CNTNAP2: variants seen among roughly 807,000 people sequenced by gnomAD.
The protein encoded by CNTNAP2 is contactin associated protein 2.
In CNTNAP2, 98 loss-of-function variants were observed where a neutral mutation model predicts 155.2. The ratio of observed to expected loss-of-function variants is 0.63; its 90% CI spans 0.54 to 0.75. The LOEUF is 0.75. CNTNAP2 is among the 30% of genes least tolerant of loss of function. CNTNAP2 has a pLI of 0.00. For missense variants in CNTNAP2, 1,727 were observed against 1,688.1 expected (o/e 1.02, Z -0.40); for synonymous variants, 651 against 631.2 (o/e 1.03, Z -0.47).
chr7:146,663,480 T>G (rs1196649935), intron 1 of CNTNAP2, among the ~76,000 whole-genome samples: 1 of 151,998 alleles, frequency 6.6e-6, no homozygotes, highest in Admixed American at 6.6e-5. Flanking sequence ...GGAGGATAAT[T>G]GACAATCTAA....
At chr7:147,056,335 T>C (rs1367155562) in intron 4 of CNTNAP2, among the ~76,000 whole-genome samples, 1 of 152,128 alleles carries the variant, frequency 6.6e-6, no homozygotes, top group Non-Finnish European at 1.5e-5. Context: ...AATGGACAAG[T>C]AGCTTCCTAA....
intron 8 of CNTNAP2, among the ~76,000 whole-genome samples, chr7:147,174,096 C>T (rs931676076): frequency 5.3e-5 from 8 of 152,110 alleles, no homozygotes; most frequent in Non-Finnish European, 1.2e-4. Flanking sequence ...AAAAAACCAG[C>T]AAACCACAGT....
intron 2 of CNTNAP2, among the ~76,000 whole-genome samples, chr7:146,792,228 T>C (rs1411494968): frequency 6.6e-6 from 1 of 152,044 alleles, no homozygotes. Context: ...TTTCCTTTTC[T>C]TTATTATATG....
At chr7:147,962,775 A>C (rs1030407709) in intron 14 of CNTNAP2, among the ~76,000 whole-genome samples, 3 of 152,186 alleles carry the variant, frequency 2.0e-5, no homozygotes, top group Admixed American at 2.0e-4. Context: ...ATTTCATCCA[A>C]AAAGCTTTGT....
intron 3 of CNTNAP2, among the ~76,000 whole-genome samples, chr7:147,030,037 G>A (rs1798999048): frequency 6.6e-6 from 1 of 152,124 alleles, no homozygotes; most frequent in African/African-American, 2.4e-5. Context: ...GTTTTGGAGG[G>A]TAACCTGAGG....
intron 3 of CNTNAP2, among the ~76,000 whole-genome samples, chr7:146,927,278 G>GT (rs1796627176): frequency 6.6e-6 from 1 of 152,020 alleles, no homozygotes. Context: ...GTAGAAAACT[G>GT]TTTTTTAGTC....
At chr7:147,983,233 A>G (rs2116872589) in intron 15 of CNTNAP2, among the ~76,000 whole-genome samples, 1 of 152,216 alleles carries the variant, frequency 6.6e-6, no homozygotes, top group Non-Finnish European at 1.5e-5. Flanking sequence ...TTCAGGAAGC[A>G]ATTCTCCTTA....
intron 13 of CNTNAP2, among the ~76,000 whole-genome samples, chr7:147,811,551 C>T (rs543982755): frequency 6.6e-6 from 1 of 152,154 alleles, no homozygotes; most frequent in African/African-American, 2.4e-5. Context: ...GCCCAGTGTC[C>T]CCTAGGGAGG....
chr7:146,907,640 C>G (rs569081932), intron 3 of CNTNAP2, among the ~76,000 whole-genome samples: 13 of 149,636 alleles, frequency 8.7e-5, no homozygotes, highest in Admixed American at 4.0e-4. Context: ...TAAAAGAGCT[C>G]CTGAAGGAAG....
intron 3 of CNTNAP2, 130 bp from the exon 4 acceptor site, chr7:147,043,777 A>T: frequency 8.6e-7 from 1 of 1,159,208 alleles, no homozygotes; most frequent in African/African-American, 1.5e-5. Flanking sequence ...AGCTTTCTTC[A>T]AATTATTTAC....
intron 13 of CNTNAP2, among the ~76,000 whole-genome samples, chr7:147,654,323 G>A (rs1795493471): frequency 6.6e-6 from 1 of 152,118 alleles, no homozygotes; most frequent in Non-Finnish European, 1.5e-5. Context: ...TTAAATATAG[G>A]TGTTAGCAAT....
At chr7:146,569,334 C>A (rs1164495220) in intron 1 of CNTNAP2, among the ~76,000 whole-genome samples, 6 of 152,172 alleles carry the variant, frequency 3.9e-5, no homozygotes, top group Admixed American at 3.9e-4. Context: ...GTGGTTACTT[C>A]TAATGTTGGA....
intron 9 of CNTNAP2, among the ~76,000 whole-genome samples, chr7:147,357,159 G>A (rs1054012031): frequency 6.6e-6 from 1 of 152,018 alleles, no homozygotes; most frequent in Non-Finnish European, 1.5e-5. Context: ...TTCTTTCTGG[G>A]TCTACCCCTT....
intron 14 of CNTNAP2, among the ~76,000 whole-genome samples, chr7:147,910,113 C>T (rs553202186): frequency 1.3e-5 from 2 of 152,244 alleles, no homozygotes; most frequent in East Asian, 1.9e-4. Context: ...TTGGTTGGGT[C>T]AGCTTACTAT....
At chr7:146,665,826 AATTTT>A (rs1203109628) in intron 1 of CNTNAP2, among the ~76,000 whole-genome samples, 2 of 142,570 alleles carry the variant, frequency 1.4e-5, no homozygotes, top group African/African-American at 5.2e-5. Flanking sequence ...TTCTATTTTT[AATTTT>A]ATAACACTTT....
At chr7:147,447,489 C>T (rs938446064) in intron 10 of CNTNAP2, among the ~76,000 whole-genome samples, 1 of 152,142 alleles carries the variant, frequency 6.6e-6, no homozygotes, top group African/African-American at 2.4e-5. Flanking sequence ...AATCGTGGCT[C>T]ACTGCAACCT....
At chr7:146,149,879 G>GAAAAAAAA (rs377385260) in intron 1 of CNTNAP2, among the ~76,000 whole-genome samples, 6 of 59,528 alleles carry the variant, frequency 1.0e-4, no homozygotes, top group East Asian at 5.2e-4. Flanking sequence ...TAGCCACAAA[G>GAAAAAAAA]AAAAAAAAAA....
intron 1 of CNTNAP2, among the ~76,000 whole-genome samples, chr7:146,161,664 T>G (rs1798224428): frequency 6.6e-6 from 1 of 152,154 alleles, no homozygotes; most frequent in Non-Finnish European, 1.5e-5. Context: ...AAAAACTACT[T>G]TAAAGTTCAT....
intron 13 of CNTNAP2, among the ~76,000 whole-genome samples, chr7:147,774,933 C>A (rs985166413): frequency 4.6e-5 from 7 of 151,932 alleles, no homozygotes; most frequent in African/African-American, 1.7e-4. Context: ...CAGTATATAC[C>A]AGAACTAAAC....
Sources: gnomAD v4.1 joint callset for allele counts (sites outside exome capture counted in the v4.1 genomes callset) on GRCh38, gnomAD v4.1.1 for gene constraint, MANE v1.5 for transcripts, NCBI Gene and HGNC (gene_info 2026-07-23, HGNC 2026-07-21) for gene names.